Variants in LMNB1 observed in about 807,000 individuals in gnomAD.
The protein encoded by LMNB1 is lamin-B1.
Under a neutral mutation model 67.1 loss-of-function variants are expected in LMNB1, and 23 were observed. That is an observed-to-expected ratio of 0.34 (90% CI 0.25 to 0.49). The LOEUF (loss-of-function observed/expected upper bound fraction) is 0.49. LMNB1 is among the 20% of genes least tolerant of loss of function. The pLI, the probability that LMNB1 is intolerant of heterozygous loss-of-function variation, is 0.99. For synonymous variants in LMNB1, 281 were observed against 282.9 expected, an observed-to-expected ratio of 0.99 and a Z score of 0.07; for missense variants, 634 against 746.5, an observed-to-expected ratio of 0.85 and a Z score of 1.76.
chr5:126,785,633 T>A lies in LMNB1; in HGVS notation c.359+7766T>A, dbSNP rs73333449. Among the ~76,000 whole-genome samples, 1,057 of 152,092 alleles carry A rather than the reference T, an allele frequency of 6.9e-3. 11 individuals are homozygous for A. The highest frequency in any genetic ancestry group is 0.024 in the African/African-American group (1,009 of 41,486). Reference sequence around the variant, plus strand: ...CCACGGTGCCAGGCCAAAAATTAAATTTTTTAAACAGCAAATGTATATTCA... The same window carrying A: ...CCACGGTGCCAGGCCAAAAATTAAAATTTTTAAACAGCAAATGTATATTCA... On this transcript the variant is annotated intron_variant, in intron 1 of 10. Transcript: ENST00000261366.
intron 1 of LMNB1, among the ~76,000 whole-genome samples, chr5:126,785,833 G>A (rs1012282368): frequency 5.3e-5 from 8 of 151,754 alleles, no homozygotes; most frequent in African/African-American, 1.9e-4. Context: ...GGCCAACATG[G>A]CAAAACCCTG....
Position 126,832,753 on chromosome 5 carries a change from G to A in LMNB1, c.1671G>A (p.Glu557=). 2 of 1,612,696 alleles carry A rather than the reference G, an allele frequency of 1.2e-6. No homozygotes were observed. Among genetic ancestry groups the A allele is most frequent in the South Asian group, 2.2e-5 (2 of 90,982 alleles). Residue 557 remains glutamate, a synonymous_variant, in exon 10 of 11, where the codon GAG becomes GAA. Transcript: ENST00000261366. ...KTTIPEEEEE[E]EEAAGVVVEE... ...CCATACCTGAAGAAGAGGAGGAGGA[G>A]GAAGAAGCAGCTGGAGTGGTTGTTG...
chr5:126,836,313 T>A lies in LMNB1; in HGVS notation c.*49T>A. On this transcript the variant is annotated 3_prime_UTR_variant, in exon 11 of 11. Transcript: ENST00000261366. ...ATAAAGAAGTATGGTAATCTTTACC[T>A]GTATACAGTGCAGAGCCTTCTCAGA... is the stretch of plus-strand genomic sequence containing the variant. The A allele has an allele frequency of 8.1e-7, 1 of 1,233,604 alleles. No homozygotes were observed. Among genetic ancestry groups the A allele is most frequent in the Non-Finnish European group, 1.2e-6 (1 of 837,530 alleles). 76.4% of individuals were successfully genotyped at this position (1,233,604 alleles called of 1,614,324 possible).
intron 1 of LMNB1, among the ~76,000 whole-genome samples, chr5:126,786,192 G>T (rs189408656): frequency 1.8e-4 from 26 of 144,046 alleles, no homozygotes; most frequent in African/African-American, 6.1e-4. Flanking sequence ...GCACGATCTC[G>T]GTTCACTGCA....
At chr5:126,835,420 G>T (rs1752228112) in intron 10 of LMNB1, among the ~76,000 whole-genome samples, 1 of 152,196 alleles carries the variant, frequency 6.6e-6, no homozygotes, top group African/African-American at 2.4e-5. Flanking sequence ...TAAAGAAATG[G>T]GTAGAGGAGC....
intron 6 of LMNB1, 117 bp from the exon 7 acceptor site, chr5:126,820,793 T>C: frequency 5.3e-6 from 4 of 753,184 alleles, no homozygotes; most frequent in Non-Finnish European, 6.4e-6. Flanking sequence ...CCCAAAGTGC[T>C]GTTGGGTTAC....
intron 1 of LMNB1, among the ~76,000 whole-genome samples, chr5:126,797,616 A>G (rs572481695): frequency 6.6e-6 from 1 of 152,360 alleles, no homozygotes; most frequent in East Asian, 1.9e-4. Flanking sequence ...TCAGTTCTAC[A>G]GGTTTCTGCA....
At chr5:126,789,460 G>A (rs116599652) in intron 1 of LMNB1, among the ~76,000 whole-genome samples, 2,742 of 152,178 alleles carry the variant, frequency 0.018, 91 homozygotes, top group African/African-American at 0.063. Context: ...GTGACAGCTC[G>A]CATAAATGGA....
intron 1 of LMNB1, among the ~76,000 whole-genome samples, chr5:126,787,018 T>G (rs1244255844): frequency 6.6e-6 from 1 of 152,170 alleles, no homozygotes; most frequent in Non-Finnish European, 1.5e-5. Context: ...CTTTCATTCT[T>G]TATTCAAGAC....
At chr5:126,796,658 G>T (rs1751100662) in intron 1 of LMNB1, among the ~76,000 whole-genome samples, 1 of 152,120 alleles carries the variant, frequency 6.6e-6, no homozygotes, top group Non-Finnish European at 1.5e-5. Context: ...ATGGTACTAG[G>T]TTTTATTGGG....
In LMNB1 at chr5:126,820,916, G is replaced by C. The variant is rs1199985528; in HGVS notation, c.1167G>C (p.Lys389Asn). The C allele has an allele frequency of 1.2e-6, 2 of 1,612,046 alleles. No homozygotes were observed. Among genetic ancestry groups the C allele is most frequent in the Non-Finnish European group, 1.7e-6 (2 of 1,178,466 alleles). ...TTTTATTTTTCCCATATAGGTTGAA[G>C]CTGTCTCCAAGCCCTTCTTCCCGTG... Reference protein sequence around the residue: ...KLLEGEEERLKLSPSPSSRVT... With the variant: ...KLLEGEEERLNLSPSPSSRVT... Residue 389 changes from lysine (K) to asparagine (N), a missense_variant, in exon 7 of 11, where the codon AAG becomes AAC. Coordinates refer to ENST00000261366, the MANE Select transcript of LMNB1 (RefSeq NM_005573.4).
At chr5:126,815,878 A>G (rs1751692743) in intron 5 of LMNB1, among the ~76,000 whole-genome samples, 1 of 152,184 alleles carries the variant, frequency 6.6e-6, no homozygotes, top group African/African-American at 2.4e-5. Context: ...AAATTTTTAT[A>G]CCTAGATTTT....
chr5:126,825,874 G>A, intron 8 of LMNB1, 114 bp from the exon 9 acceptor site: 1 of 1,422,204 alleles, frequency 7.0e-7, no homozygotes, highest in Non-Finnish European at 9.7e-7. Flanking sequence ...CTCTGTAGCT[G>A]GGGCATAGTT....
At chr5:126,783,929 G>T (rs1176992446) in intron 1 of LMNB1, among the ~76,000 whole-genome samples, 5 of 151,526 alleles carry the variant, frequency 3.3e-5, no homozygotes, top group Admixed American at 6.6e-5. Context: ...TTATTTTTAG[G>T]ATCAGGGAAG....
chr5:126,831,500 T>C (rs888294434), intron 9 of LMNB1, among the ~76,000 whole-genome samples: 1 of 152,252 alleles, frequency 6.6e-6, no homozygotes, highest in Admixed American at 6.5e-5. Flanking sequence ...ACAGAATACA[T>C]TGGAACCTCA....
chr5:126,820,870 A>G, intron 6 of LMNB1, 40 bp from the exon 7 acceptor site: 1 of 1,430,304 alleles, frequency 7.0e-7, no homozygotes, highest in Non-Finnish European at 9.8e-7. Context: ...AGAAGGGCAT[A>G]TGTGTTTTAA....
chr5:126,779,257 A>G (rs1387280049), intron 1 of LMNB1, among the ~76,000 whole-genome samples: 1 of 152,216 alleles, frequency 6.6e-6, no homozygotes, highest in Non-Finnish European at 1.5e-5. Flanking sequence ...TGTAGCGAAA[A>G]ACGATAACTG....
chr5:126,785,354 C>T (rs113070974), intron 1 of LMNB1, among the ~76,000 whole-genome samples: 4 of 149,942 alleles, frequency 2.7e-5, no homozygotes, highest in Admixed American at 1.3e-4. Context: ...TGCAGTGGCA[C>T]GATCTCAGCT....
intron 1 of LMNB1, among the ~76,000 whole-genome samples, chr5:126,797,951 T>TGGCAC (rs1199443227): frequency 6.6e-6 from 1 of 152,052 alleles, no homozygotes. Flanking sequence ...CCGGGCGTAG[T>TGGCAC]GGCACATGTG....
Sources: allele counts gnomAD v4.1 joint callset (sites outside exome capture counted in the v4.1 genomes callset), GRCh38; gene constraint gnomAD v4.1.1; transcripts MANE v1.5; gene names NCBI Gene and HGNC (gene_info 2026-07-23, HGNC 2026-07-21).